The following TUSC3 variants were observed in gnomAD, a reference collection of about 807,000 sequenced individuals.
TUSC3 encodes tumor suppressor candidate 3.
In TUSC3, 45 loss-of-function variants were observed where a neutral mutation model predicts 44.8. That is an observed-to-expected ratio of 1.00 (90% confidence interval 0.79 to 1.29). The LOEUF (loss-of-function observed/expected upper bound fraction) is 1.29, where lower values mean the gene tolerates loss of function less well. Among genes scored for constraint, TUSC3 ranks in the 50% most tolerant of loss-of-function variants. The pLI, the probability that TUSC3 is intolerant of heterozygous loss-of-function variation, is 0.00. For synonymous variants in TUSC3, 212 were observed against 152.9 expected (o/e 1.39, Z -2.85); for missense variants, 519 against 437.9 (o/e 1.19, Z -1.65).
intron 9 of TUSC3, 60 bp from the exon 10 acceptor site, chr8:15,757,731 A>G (rs1357334881): frequency 1.4e-6 from 2 of 1,476,972 alleles, no homozygotes; most frequent in Admixed American, 3.3e-5. Flanking sequence ...ACAAATGGAA[A>G]TTCAATCTTA....
At chr8:15,690,876 G>A (rs781225790) in intron 6 of TUSC3, among the ~76,000 whole-genome samples, 12 of 151,650 alleles carry the variant, frequency 7.9e-5, no homozygotes, top group Admixed American at 1.3e-4. Flanking sequence ...TATTTGTACC[G>A]GTACAATGGT....
At chr8:15,734,203 A>C (rs1007408736) in intron 7 of TUSC3, among the ~76,000 whole-genome samples, 1 of 152,212 alleles carries the variant, frequency 6.6e-6, no homozygotes, top group African/African-American at 2.4e-5. Flanking sequence ...TTATCTGTAG[A>C]GAGAACATTT....
chr8:15,573,747 C>T (rs1002070074), intron 1 of TUSC3, among the ~76,000 whole-genome samples: 4 of 152,074 alleles, frequency 2.6e-5, no homozygotes, highest in Non-Finnish European at 5.9e-5. Flanking sequence ...TGTCTTCTGC[C>T]TCAGGGAAGC....
At chr8:15,500,073 C>T (rs1200834428) in intron 2 of TUSC3, among the ~76,000 whole-genome samples, 1 of 152,132 alleles carries the variant, frequency 6.6e-6, no homozygotes, top group African/African-American at 2.4e-5. Flanking sequence ...ATCATCATAA[C>T]CATCATTTTC....
intron 9 of TUSC3, among the ~76,000 whole-genome samples, chr8:15,755,268 C>G (rs1369623581): frequency 6.6e-6 from 1 of 152,074 alleles, no homozygotes; most frequent in Admixed American, 6.6e-5. Flanking sequence ...TGTCGTTCAA[C>G]TATTAGAAAG....
At chr8:15,802,107 G>A in the TUSC3 span, among the ~76,000 whole-genome samples, 1 of 152,170 alleles carries the variant, frequency 6.6e-6, no homozygotes, top group Non-Finnish European at 1.5e-5. Flanking sequence ...ATGCGCCTGT[G>A]AAGACACACC....
intron 7 of TUSC3, among the ~76,000 whole-genome samples, chr8:15,734,985 A>G (rs1441406426): frequency 2.0e-5 from 3 of 152,170 alleles, no homozygotes; most frequent in Admixed American, 6.5e-5. Flanking sequence ...TAATATGCCA[A>G]TTTTATATAT....
chr8:15,720,227 C>G (rs1563189339), intron 6 of TUSC3, among the ~76,000 whole-genome samples: 1 of 150,104 alleles, frequency 6.7e-6, no homozygotes, highest in East Asian at 1.9e-4. Flanking sequence ...CACACACACA[C>G]ACACACAGAG....
intron 9 of TUSC3, among the ~76,000 whole-genome samples, chr8:15,755,318 C>T (rs1811879204): frequency 6.6e-6 from 1 of 152,010 alleles, no homozygotes; most frequent in African/African-American, 2.4e-5. Flanking sequence ...TAGCACATTG[C>T]CTGGTACATA....
At chr8:15,602,704 G>A (rs13278955) in intron 1 of TUSC3, among the ~76,000 whole-genome samples, 39 of 142,824 alleles carry the variant, frequency 2.7e-4, no homozygotes, top group African/African-American at 9.8e-4. Flanking sequence ...GTGTATATAT[G>A]TGTATGTATA....
At chr8:15,850,941 G>A in the TUSC3 span, among the ~76,000 whole-genome samples, 5 of 152,300 alleles carry the variant, frequency 3.3e-5, no homozygotes, top group African/African-American at 1.2e-4. Context: ...CACTGAGGAA[G>A]CTCTTTCCTT....
intron 2 of TUSC3, among the ~76,000 whole-genome samples, chr8:15,632,062 A>T (rs1020302027): frequency 6.6e-6 from 1 of 152,142 alleles, no homozygotes; most frequent in Non-Finnish European, 1.5e-5. Context: ...AATTAATATT[A>T]GTTCAGTGAT....
intron 2 of TUSC3, among the ~76,000 whole-genome samples, chr8:15,504,721 T>C (rs1201798131): frequency 1.4e-5 from 2 of 147,544 alleles, no homozygotes; most frequent in African/African-American, 2.5e-5. Flanking sequence ...GGTGCGATCT[T>C]GGCTCACTGC....
At chr8:15,488,253 C>G (rs1011812925) in intron 2 of TUSC3, among the ~76,000 whole-genome samples, 1 of 151,838 alleles carries the variant, frequency 6.6e-6, no homozygotes, top group Non-Finnish European at 1.5e-5. Context: ...GACCTATAAT[C>G]CTAGCAATTT....
At chr8:15,471,737 C>T (rs1415145582) in intron 1 of TUSC3, among the ~76,000 whole-genome samples, 2 of 151,934 alleles carry the variant, frequency 1.3e-5, no homozygotes, top group Admixed American at 6.6e-5. Flanking sequence ...CCCGCCTCAC[C>T]CTCCCAAGTA....
At chr8:15,614,475 A>C (rs1215342544) in intron 1 of TUSC3, among the ~76,000 whole-genome samples, 1 of 152,174 alleles carries the variant, frequency 6.6e-6, no homozygotes, top group African/African-American at 2.4e-5. Context: ...GGCCCAGACA[A>C]CTGCTTATCT....
At chr8:15,506,330 C>A (rs769800719) in intron 2 of TUSC3, among the ~76,000 whole-genome samples, 3 of 152,148 alleles carry the variant, frequency 2.0e-5, no homozygotes, top group Non-Finnish European at 4.4e-5. Context: ...AAACCAGAAT[C>A]CCTTTTCCCC....
intron 2 of TUSC3, among the ~76,000 whole-genome samples, chr8:15,490,093 G>T (rs1286390864): frequency 6.6e-6 from 1 of 152,110 alleles, no homozygotes; most frequent in Non-Finnish European, 1.5e-5. Context: ...GAATTTGTTA[G>T]AATTTTTTGT....
chr8:15,771,751 G>A, the TUSC3 span, among the ~76,000 whole-genome samples: 1 of 152,004 alleles, frequency 6.6e-6, no homozygotes, highest in Admixed American at 6.6e-5. Context: ...ACACAAAAAG[G>A]AATGTTCAGA....
Sources: allele counts gnomAD v4.1 joint callset (sites outside exome capture counted in the v4.1 genomes callset), GRCh38; gene constraint gnomAD v4.1.1; transcripts MANE v1.5; gene names NCBI Gene and HGNC (gene_info 2026-07-23, HGNC 2026-07-21).